Variants in EP300 observed in about 807,000 individuals in gnomAD.
EP300 encodes EP300 lysine acetyltransferase.
Under a neutral mutation model 264.0 loss-of-function variants are expected in EP300, and 31 were observed. The observed-to-expected ratio is 0.12, with a 90% CI of 0.09 to 0.16. The LOEUF (loss-of-function observed/expected upper bound fraction) is 0.16, where lower values mean the gene tolerates loss of function less well. EP300 is among the 10% of genes least tolerant of loss of function. EP300 has a pLI of 1.00. For synonymous variants in EP300, 1,340 were observed against 1,045.4 expected, an observed-to-expected ratio of 1.28 and a Z score of -5.44; for missense variants, 2,766 against 3,052.9, an observed-to-expected ratio of 0.91 and a Z score of 2.21.
intron 20 of EP300, 95 bp downstream of exon 20, chr22:41,160,817 A>C: frequency 8.5e-7 from 1 of 1,170,552 alleles, no homozygotes; most frequent in Non-Finnish European, 1.3e-6. Flanking sequence ...TATGCTGTTG[A>C]ATATGGTAGC....
chr22:41,133,574 AT>A (rs1177769778), intron 6 of EP300, among the ~76,000 whole-genome samples: 1 of 152,202 alleles, frequency 6.6e-6, no homozygotes, highest in African/African-American at 2.4e-5. Flanking sequence ...AGAATCCCAA[AT>A]CCAAAAATCA....
rs2059048453 is a variant in EP300 at position 41,151,967 on chromosome 22, G to T, written c.2952G>T (p.Val984=). The change falls in exon 15 of 31, where the codon GTG becomes GTT. Residue 984 remains valine (V), a synonymous_variant. Coordinates refer to ENST00000263253, the MANE Select transcript of EP300 (RefSeq NM_001429.4). ...QEVKMEAKME[V]DQPEPADTQP... is the part of the protein sequence containing the mutation. The stretch of plus-strand genomic sequence containing the variant: ...TGAAGATGGAGGCCAAAATGGAAGT[G>T]GATCAACCAGAACCAGCAGATACTC... The T allele has an allele frequency of 6.2e-7, 1 of 1,614,066 alleles. No individual in the cohort carries two copies. Among genetic ancestry groups the T allele is most frequent in the Non-Finnish European group, 8.5e-7 (1 of 1,180,056 alleles).
chr22:41,120,955 C>T (rs964006930), intron 2 of EP300, among the ~76,000 whole-genome samples: 1 of 152,148 alleles, frequency 6.6e-6, no homozygotes, highest in African/African-American at 2.4e-5. Context: ...CCTTGGTCTT[C>T]CAAAGTGCTC....
At chr22:41,098,052 G>A (rs1347864211) in intron 1 of EP300, among the ~76,000 whole-genome samples, 1 of 151,814 alleles carries the variant, frequency 6.6e-6, no homozygotes, top group Non-Finnish European at 1.5e-5. Flanking sequence ...ACAACGTGCA[G>A]GTTTGTCACA....
chr22:41,127,513 G>A lies in EP300; in HGVS notation c.933G>A (p.Gln311=), dbSNP rs769115484. 3.7e-6 allele frequency: 6 copies of A among 1,614,062 alleles called. No homozygotes were observed. The highest frequency in any genetic ancestry group is 2.2e-5 in the East Asian group (1 of 44,888). The change falls in exon 4 of 31, where the codon CAG becomes CAA. Residue 311 remains glutamine (Q), a synonymous_variant. Coordinates refer to ENST00000263253, the MANE Select transcript of EP300 (RefSeq NM_001429.4). ...NMGQQPAPQV[Q]QPGLVTPVAQ... is the part of the protein sequence containing the mutation. Reference sequence around the variant, plus strand: ...GTCAACAGCCAGCCCCGCAGGTCCAGCAGCCAGGCCTGGTGACTCCAGTTG... The same window carrying A: ...GTCAACAGCCAGCCCCGCAGGTCCAACAGCCAGGCCTGGTGACTCCAGTTG...
rs1218368197 is a variant in EP300, at chr22:41,178,233, C to T, written c.6522C>T (p.Thr2174=). The T allele has an allele frequency of 1.9e-6, 3 of 1,614,024 alleles. No homozygotes were observed. Among genetic ancestry groups the T allele is most frequent in the African/African-American group, 2.7e-5 (2 of 74,926 alleles). Residue 2174 remains threonine, a synonymous_variant, in exon 31 of 31, where the codon ACC becomes ACT. Transcript: ENST00000263253. The part of the protein sequence containing the change: ...QAQQMNMNHN[T]MPSQFRDILR... ...AGCAGATGAACATGAACCACAACAC[C>T]ATGCCTTCACAATTCCGAGACATCT...
chr22:41,123,899 T>C (rs555376293), intron 2 of EP300, among the ~76,000 whole-genome samples: 2 of 152,378 alleles, frequency 1.3e-5, no homozygotes, highest in Admixed American at 1.3e-4. Context: ...ATTATTATTA[T>C]AGTATAATGG....
At chr22:41,172,771 C>A in intron 28 of EP300, 108 bp downstream of exon 28, 1 of 1,209,356 alleles carries the variant, frequency 8.3e-7, no homozygotes, top group Non-Finnish European at 1.2e-6. Flanking sequence ...TGTAAAAGAG[C>A]TCTTTAAGTT....
intron 8 of EP300, 106 bp from the exon 9 acceptor site, chr22:41,140,034 T>C: frequency 1.2e-6 from 1 of 812,190 alleles, no homozygotes; most frequent in Non-Finnish European, 2.2e-6. Flanking sequence ...ATATATCACC[T>C]TGCCATTATT....
intron 1 of EP300, among the ~76,000 whole-genome samples, chr22:41,115,618 C>G (rs1166229238): frequency 1.3e-5 from 2 of 152,104 alleles, no homozygotes; most frequent in African/African-American, 4.8e-5. Flanking sequence ...TTTGTAGAGA[C>G]AGGGTCTTGC....
In EP300 at chr22:41,169,702, CTT is replaced by C. The variant is rs2059159364; in HGVS notation, c.4286+87_4286+88del. On this transcript the variant is annotated intron_variant, in intron 26 of 30. Transcript: ENST00000263253. ...AGGTTAAATATGCAAATATATAACT[CTT>C]GGCCTTTTTTTCCTCATTTTAGTTC... 3.7e-6 allele frequency: 3 copies of C among 815,414 alleles called. No homozygotes were observed. In the Admixed American group the frequency reaches 6.0e-5, roughly 16 times the overall value. 50.5% of individuals were successfully genotyped at this position (815,414 alleles called of 1,614,324 possible).
At chr22:41,133,152 T>TCCCCCCCCCCCCCCCCCCCC (rs71821697) in intron 6 of EP300, among the ~76,000 whole-genome samples, 1 of 65,066 alleles carries the variant, frequency 1.5e-5, no homozygotes, top group African/African-American at 4.5e-5. Flanking sequence ...CCTAAGATTA[T>TCCCCCCCCCCCCCCCCCCCC]CCCCCCCCCC....
intron 21 of EP300, 49 bp downstream of exon 21, chr22:41,162,828 C>T (rs2059115088): frequency 6.7e-7 from 1 of 1,502,284 alleles, no homozygotes; most frequent in Non-Finnish European, 9.3e-7. Flanking sequence ...TTTTCTTTTT[C>T]CCTTTCATTC....
chr22:41,179,222 G>A lies in EP300; in HGVS notation c.*266G>A. The A allele has an allele frequency of 2.1e-6, 1 of 486,506 alleles. No homozygotes were observed. 30.1% of individuals were successfully genotyped at this position (486,506 alleles called of 1,614,324 possible). A position where few individuals can be genotyped will look rare whatever the true frequency, so the allele number is the denominator to read the frequency against. ...GTGTGTGTGGTTCAAGTGTGCACTG[G>A]GAGGAGGCTGAGGCCTGTGAAGCCA... On this transcript the variant is annotated 3_prime_UTR_variant, in exon 31 of 31. Coordinates refer to ENST00000263253, the MANE Select transcript of EP300 (RefSeq NM_001429.4).
intron 2 of EP300, among the ~76,000 whole-genome samples, chr22:41,119,924 C>G (rs887436166): frequency 6.6e-6 from 1 of 152,148 alleles, no homozygotes; most frequent in African/African-American, 2.4e-5. Context: ...AGGCAGTTCT[C>G]CTGCCTCAGG....
At chr22:41,167,584 G>GTATATATATATATATATATATA (rs56131556) in intron 23 of EP300, among the ~76,000 whole-genome samples, 2 of 34,496 alleles carry the variant, frequency 5.8e-5, no homozygotes, top group Non-Finnish European at 4.8e-5. Flanking sequence ...GTGTGTGTGT[G>GTATATATATATATATATATATA]TATATATATA....
intron 6 of EP300, among the ~76,000 whole-genome samples, chr22:41,134,147 T>G (rs1601608968): frequency 6.7e-6 from 1 of 149,010 alleles, no homozygotes; most frequent in Admixed American, 7.0e-5. Context: ...ACTTGGTCTG[T>G]TGATTTCATT....
rs191875623 is a variant in EP300 at position 41,116,921 on chromosome 22, G to C, written c.95-266G>C. Among the ~76,000 whole-genome samples the C allele has an allele frequency of 3.9e-5, 6 of 152,230 alleles. No homozygotes were observed. The South Asian group carries it at 8.3e-4, about 21-fold the overall frequency. On this transcript the variant is annotated intron_variant, in intron 1 of 30. Transcript: ENST00000263253. Reference sequence around the variant, plus strand: ...CTAAAAATACAAAATTTAGCTCGGTGTGGTGGTGCGCACTTGTAGTCACAG... The same window carrying C: ...CTAAAAATACAAAATTTAGCTCGGTCTGGTGGTGCGCACTTGTAGTCACAG...
At chr22:41,095,091 C>T (rs775813116) in intron 1 of EP300, among the ~76,000 whole-genome samples, 42 of 152,056 alleles carry the variant, frequency 2.8e-4, no homozygotes, top group Non-Finnish European at 8.8e-5. Context: ...TTACCCCCCT[C>T]CCCAAATCAA....
Sources: allele counts gnomAD v4.1 joint callset (sites outside exome capture counted in the v4.1 genomes callset), GRCh38; gene constraint gnomAD v4.1.1; transcripts MANE v1.5; gene names NCBI Gene and HGNC (gene_info 2026-07-23, HGNC 2026-07-21).